Variants in CTNNA2 observed in about 807,000 individuals in gnomAD.
The protein encoded by CTNNA2 is catenin alpha 2.
In CTNNA2, 42 loss-of-function variants were observed where a neutral mutation model predicts 101.0. That is an observed-to-expected ratio of 0.42 (90% CI 0.32 to 0.54). CTNNA2 has a LOEUF of 0.54. Among genes scored for constraint, CTNNA2 ranks in the 20% least tolerant of loss-of-function variants. The pLI, the probability that CTNNA2 is intolerant of heterozygous loss-of-function variation, is 0.14. For missense variants in CTNNA2, 871 were observed against 1,223.1 expected, an observed-to-expected ratio of 0.71 and a Z score of 4.29; for synonymous variants, 450 against 456.4, an observed-to-expected ratio of 0.99 and a Z score of 0.18.
chr2:80,161,384 G>A (rs2862022), intron 7 of CTNNA2, among the ~76,000 whole-genome samples: 19,967 of 151,464 alleles, frequency 0.13, 3,266 homozygotes, highest in African/African-American at 0.39. Flanking sequence ...CGAACGCTGT[G>A]GTATTAAAAA....
intron 9 of CTNNA2, among the ~76,000 whole-genome samples, chr2:80,533,191 G>T (rs1224729984): frequency 1.3e-5 from 2 of 152,160 alleles, no homozygotes; most frequent in Non-Finnish European, 2.9e-5. Flanking sequence ...AGTTGCAATG[G>T]GTAGCACAGC....
chr2:79,916,539 CCCCTCCCCTCCCCTCCCCT>C (rs1686222099), intron 7 of CTNNA2, among the ~76,000 whole-genome samples: 1 of 16,052 alleles, frequency 6.2e-5, no homozygotes, highest in Non-Finnish European at 1.4e-4. Flanking sequence ...CCCCTCCCCT[CCCCTCCCCTCCCCTCCCCT>C]CCCCTCCCCT....
chr2:79,849,291 G>T lies in CTNNA2; in HGVS notation c.299-8722G>T, dbSNP rs907889589. ...GTTTTGGTATGGCTTGCATGATAGG[G>T]TTTTTTTTTTTTTTAATAAGCAGAT... On this transcript the variant is annotated intron_variant, in intron 3 of 18. Coordinates refer to ENST00000402739, the MANE Select transcript of CTNNA2 (RefSeq NM_001282597.3). Among the ~76,000 whole-genome samples the T allele has an allele frequency of 6.0e-3, 863 of 142,974 alleles. 5 individuals are homozygous for T. The highest frequency in any genetic ancestry group is 0.01 in the Non-Finnish European group (670 of 64,886). The allele number at this position is 142,974 out of a possible 152,430, so 93.8% of individuals were successfully genotyped here. A position where few individuals can be genotyped will look rare whatever the true frequency, so the allele number is the denominator to read the frequency against.
chr2:79,538,784 T>C (rs1673227864), intron 1 of CTNNA2, among the ~76,000 whole-genome samples: 1 of 152,176 alleles, frequency 6.6e-6, no homozygotes, highest in Non-Finnish European at 1.5e-5. Flanking sequence ...AGATTTGAGC[T>C]TTATTTCTAT....
At chr2:80,237,337 A>T (rs530697095) in intron 7 of CTNNA2, among the ~76,000 whole-genome samples, 4 of 152,324 alleles carry the variant, frequency 2.6e-5, no homozygotes, top group African/African-American at 9.6e-5. Flanking sequence ...CAATGGTTCA[A>T]TGCATGATAT....
Position 79,250,155 on chromosome 2 carries a change from C to T in CTNNA2, c.-406+52079C>T, listed in dbSNP as rs563458190. Among the ~76,000 whole-genome samples the T allele has an allele frequency of 4.6e-5, 7 of 152,302 alleles. No homozygotes were observed. In the South Asian group the frequency reaches 1.5e-3, roughly 32 times the overall value. ...GTTTTAGCCTCTATGTCACCCTTTG[C>T]AATGAAGATTAGGTATGCTTCCACC... is the stretch of plus-strand genomic sequence containing the variant. On this transcript the variant is annotated intron_variant, in intron 2 of 21. Coordinates refer to the CTNNA2 transcript ENST00000466387.
intron 2 of CTNNA2, among the ~76,000 whole-genome samples, chr2:79,252,128 T>A (rs1674781168): frequency 6.6e-6 from 1 of 152,164 alleles, no homozygotes; most frequent in South Asian, 2.1e-4. Context: ...CCTTTACACC[T>A]TATCTTTATG....
At chr2:79,817,983 A>G (rs58542578) in intron 3 of CTNNA2, among the ~76,000 whole-genome samples, 3,961 of 152,246 alleles carry the variant, frequency 0.026, 169 homozygotes, top group African/African-American at 0.09. Flanking sequence ...CACATTTACC[A>G]TTTCGCATAT....
At chr2:79,450,567 GT>G (rs1247176077) in intron 4 of CTNNA2, among the ~76,000 whole-genome samples, 2 of 152,028 alleles carry the variant, frequency 1.3e-5, no homozygotes, top group Non-Finnish European at 2.9e-5. Flanking sequence ...TTTGAATCAA[GT>G]TATAATAGAC....
At chr2:80,271,892 A>T (rs1347784019) in intron 7 of CTNNA2, among the ~76,000 whole-genome samples, 1 of 152,148 alleles carries the variant, frequency 6.6e-6, no homozygotes, top group Admixed American at 6.5e-5. Context: ...GCCTTAGAGG[A>T]TTTCATCTGG....
At chr2:80,482,070 G>T (rs1396376540) in intron 9 of CTNNA2, among the ~76,000 whole-genome samples, 1 of 142,282 alleles carries the variant, frequency 7.0e-6, no homozygotes, top group African/African-American at 2.6e-5. Flanking sequence ...TATTTCCCAA[G>T]GTCTTAATTT....
At chr2:79,258,798 G>A (rs548439979) in intron 2 of CTNNA2, among the ~76,000 whole-genome samples, 1 of 147,836 alleles carries the variant, frequency 6.8e-6, no homozygotes, top group Non-Finnish European at 1.5e-5. Context: ...AGGCCTACAG[G>A]GAGGAGGGTC....
chr2:80,592,127 C>G (rs886215511), intron 15 of CTNNA2, among the ~76,000 whole-genome samples: 31 of 152,114 alleles, frequency 2.0e-4, no homozygotes, highest in Admixed American at 2.0e-3. Context: ...TTCTAATCTT[C>G]AACAGTTTTG....
intron 7 of CTNNA2, among the ~76,000 whole-genome samples, chr2:80,009,383 T>C (rs1304851664): frequency 1.3e-5 from 2 of 152,106 alleles, no homozygotes; most frequent in Non-Finnish European, 2.9e-5. Flanking sequence ...TTTTTTACAG[T>C]TGGAGTTAGC....
At chr2:79,551,214 A>G (rs1357895700) in intron 1 of CTNNA2, among the ~76,000 whole-genome samples, 1 of 152,202 alleles carries the variant, frequency 6.6e-6, no homozygotes, top group African/African-American at 2.4e-5. Flanking sequence ...ACAAAACCTC[A>G]GGAGCATCTG....
At chr2:80,293,653 C>T (rs947155353) in intron 7 of CTNNA2, among the ~76,000 whole-genome samples, 1 of 152,074 alleles carries the variant, frequency 6.6e-6, no homozygotes, top group Non-Finnish European at 1.5e-5. Context: ...TTGGTTATTT[C>T]CCCCAAAGAT....
intron 7 of CTNNA2, among the ~76,000 whole-genome samples, chr2:79,935,585 A>G (rs1400362355): frequency 6.6e-6 from 1 of 152,118 alleles, no homozygotes; most frequent in Non-Finnish European, 1.5e-5. Context: ...CACCTTGTTC[A>G]ATGCTCTAGT....
At chr2:79,282,908 C>A (rs902066685) in intron 2 of CTNNA2, among the ~76,000 whole-genome samples, 8 of 94,984 alleles carry the variant, frequency 8.4e-5, no homozygotes, top group African/African-American at 2.4e-4. Context: ...TCCACATCCT[C>A]TCCAGCACCT....
intron 7 of CTNNA2, among the ~76,000 whole-genome samples, chr2:80,257,188 CCTT>C (rs1163855089): frequency 2.0e-5 from 3 of 152,060 alleles, no homozygotes; most frequent in African/African-American, 7.2e-5. Context: ...TACCATTTCT[CCTT>C]CTTATTAATT....
Sources: allele counts gnomAD v4.1 joint callset (sites outside exome capture counted in the v4.1 genomes callset), GRCh38; gene constraint gnomAD v4.1.1; transcripts MANE v1.5; gene names NCBI Gene and HGNC (gene_info 2026-07-23, HGNC 2026-07-21).